DSC3: variants seen among roughly 807,000 people sequenced by gnomAD.
DSC3 encodes desmocollin-3.
A neutral mutation model predicts 89.5 loss-of-function variants in DSC3; 97 were observed. The observed-to-expected ratio is 1.08, with a 90% confidence interval of 0.92 to 1.28. DSC3 has a LOEUF of 1.28. DSC3 is among the 50% of genes most tolerant of loss of function. The probability of loss-of-function intolerance (pLI) is 0.00; values close to 1 mark genes in which losing one functional copy is unlikely to be tolerated. For synonymous variants in DSC3, 436 were observed against 384.1 expected (o/e 1.14, Z -1.58); for missense variants, 1,199 against 1,085.3 (o/e 1.10, Z -1.47).
chr18:31,018,591 TA>T (rs1449840255), intron 8 of DSC3, 74 bp downstream of exon 8: 2 of 1,456,356 alleles, frequency 1.4e-6, no homozygotes, highest in Admixed American at 3.4e-5. Flanking sequence ...CATGAAGTAT[TA>T]ATTTTATTAA....
intron 6 of DSC3, among the ~76,000 whole-genome samples, chr18:31,023,340 T>A (rs1478988845): frequency 6.6e-6 from 1 of 152,086 alleles, no homozygotes; most frequent in African/African-American, 2.4e-5. Flanking sequence ...CCACAGTGAG[T>A]TAGTAACACA....
At chr18:30,995,433 C>G (rs1344213756) in intron 15 of DSC3, among the ~76,000 whole-genome samples, 1 of 152,178 alleles carries the variant, frequency 6.6e-6, no homozygotes, top group East Asian at 1.9e-4. Flanking sequence ...CAGAGTATCA[C>G]CCATTTGCAT....
intron 9 of DSC3, 96 bp from the exon 10 acceptor site, chr18:31,008,621 T>C: frequency 6.8e-7 from 1 of 1,481,034 alleles, no homozygotes; most frequent in Non-Finnish European, 9.3e-7. Context: ...CAGTGCTGCA[T>C]AAATTCTATG....
intron 1 of DSC3, among the ~76,000 whole-genome samples, chr18:31,041,607 A>G (rs1205384349): frequency 6.6e-6 from 1 of 152,184 alleles, no homozygotes; most frequent in East Asian, 1.9e-4. Flanking sequence ...GATGCGGGTA[A>G]GTCGCGGGTC....
intron 4 of DSC3, 55 bp downstream of exon 4, chr18:31,029,454 A>G (rs1249016556): frequency 3.1e-6 from 5 of 1,605,200 alleles, no homozygotes; most frequent in East Asian, 4.5e-5. Context: ...TTAAATCTCA[A>G]TGAAACAGAC....
At chr18:31,036,071 A>G (rs1339747074) in intron 1 of DSC3, among the ~76,000 whole-genome samples, 1 of 152,174 alleles carries the variant, frequency 6.6e-6, no homozygotes, top group African/African-American at 2.4e-5. Context: ...TACAAATGAC[A>G]CTATATGAAC....
chr18:31,008,156 T>A lies in DSC3; in HGVS notation c.1523A>T (p.Tyr508Phe). The A allele has an allele frequency of 6.2e-7, 1 of 1,609,102 alleles. No individual in the cohort carries two copies. Among genetic ancestry groups the A allele is most frequent in the Non-Finnish European group, 8.5e-7 (1 of 1,177,076 alleles). ...PENRNGNGLR[Y>F]KKLHDPKGWI... ...ACCTTTAGGATCATGCAATTTTTTG[T>A]ACCTGTTAATAAAAAAAAAATAGTC... Residue 508 changes from tyrosine to phenylalanine, a missense_variant and splice_region_variant, in exon 11 of 16, where the codon TAC (tyrosine) becomes TTC (phenylalanine). Tyr to Phe is a conservative substitution (Grantham distance 22, BLOSUM62 3). Coordinates refer to ENST00000360428, the MANE Select transcript of DSC3 (RefSeq NM_001941.5).
intron 5 of DSC3, 110 bp downstream of exon 5, chr18:31,025,650 G>T: frequency 8.3e-7 from 1 of 1,200,076 alleles, no homozygotes; most frequent in Non-Finnish European, 1.2e-6. Flanking sequence ...TTGACTCTAA[G>T]ATACCCTCTA....
chr18:30,990,187 C>A lies in DSC3; in HGVS notation c.*3988G>T, dbSNP rs1984186576. The A allele has an allele frequency of 6.6e-6, 1 of 152,110 alleles. No individual in the cohort carries two copies. The highest frequency in any genetic ancestry group is 1.5e-5 in the Non-Finnish European group (1 of 68,016). 9.4% of individuals were successfully genotyped at this position (152,110 alleles called of 1,614,324 possible). A position where few individuals can be genotyped will look rare whatever the true frequency, so the allele number is the denominator to read the frequency against. ...AGTAACTCATTTAATCATTCAACAA[C>A]CCCATGAGGCTGGCATTGTTCATTG... On this transcript the variant is annotated 3_prime_UTR_variant, in exon 16 of 16. Transcript: ENST00000360428.
chr18:31,029,974 A>T (rs1425380071), intron 3 of DSC3, among the ~76,000 whole-genome samples: 1 of 152,164 alleles, frequency 6.6e-6, no homozygotes, highest in African/African-American at 2.4e-5. Flanking sequence ...TCCAGATAGC[A>T]CTTACTTGTT....
intron 1 of DSC3, among the ~76,000 whole-genome samples, chr18:31,033,579 C>T (rs1229779698): frequency 6.6e-6 from 1 of 151,962 alleles, no homozygotes; most frequent in Non-Finnish European, 1.5e-5. Flanking sequence ...TACCTCAAAC[C>T]ATACACAAAA....
At chr18:31,010,688 A>G (rs936461693) in intron 9 of DSC3, among the ~76,000 whole-genome samples, 5 of 152,134 alleles carry the variant, frequency 3.3e-5, no homozygotes, top group African/African-American at 7.2e-5. Context: ...CTCCCTAGAA[A>G]ATGTATAGTT....
intron 7 of DSC3, among the ~76,000 whole-genome samples, 171 bp from the exon 8 acceptor site, chr18:31,018,971 A>T (rs981099610): frequency 6.6e-6 from 1 of 152,258 alleles, no homozygotes; most frequent in Non-Finnish European, 1.5e-5. Flanking sequence ...ACAAGGATAA[A>T]GCTGAAGAGG....
intron 14 of DSC3, among the ~76,000 whole-genome samples, chr18:30,998,295 G>C (rs770544382): frequency 6.6e-6 from 1 of 152,070 alleles, no homozygotes; most frequent in Non-Finnish European, 1.5e-5. Context: ...AGATGGATGA[G>C]GCAATCAAGG....
chr18:30,999,106 A>T (rs1180301260), intron 14 of DSC3, among the ~76,000 whole-genome samples: 1 of 152,196 alleles, frequency 6.6e-6, no homozygotes, highest in Non-Finnish European at 1.5e-5. Context: ...ATAGGACAGA[A>T]GTTTAGTTAC....
chr18:30,995,996 A>AAAAAAAAAAGAAAG (rs1555631968), intron 15 of DSC3, among the ~76,000 whole-genome samples: 13 of 136,472 alleles, frequency 9.5e-5, no homozygotes, highest in African/African-American at 3.6e-4. Flanking sequence ...AAAAAAAAAA[A>AAAAAAAAAAGAAAG]AAAGAAAAGA....
At position 30,990,472 on chromosome 18, in the gene DSC3, T is replaced by A. The variant is rs1047298836; in HGVS notation, c.*3703A>T. ...TGGTTACAATAGAAGTTACTGGAAT[T>A]GAAATTTTGGTTCAACCTATATTAA... On this transcript the variant is annotated 3_prime_UTR_variant, in exon 16 of 16. Coordinates refer to ENST00000360428, the MANE Select transcript of DSC3 (RefSeq NM_001941.5). 2 of 152,236 alleles carry A rather than the reference T, an allele frequency of 1.3e-5. No homozygotes were observed. The highest frequency in any genetic ancestry group is 1.3e-4 in the Admixed American group (2 of 15,286). 9.4% of individuals were successfully genotyped at this position (152,236 alleles called of 1,614,324 possible). A position where few individuals can be genotyped will look rare whatever the true frequency, so the allele number is the denominator to read the frequency against.
At chr18:31,042,058 C>T (rs1986151040) in intron 1 of DSC3, among the ~76,000 whole-genome samples, 1 of 152,084 alleles carries the variant, frequency 6.6e-6, no homozygotes, top group Admixed American at 6.5e-5. Context: ...GGGGAGATAC[C>T]GAGAAACCCA....
At chr18:31,022,562 A>G in intron 6 of DSC3, 60 bp from the exon 7 acceptor site, 2 of 1,567,196 alleles carry the variant, frequency 1.3e-6, no homozygotes, top group Non-Finnish European at 8.8e-7. Context: ...TACTTTCAAA[A>G]GTATCTACAA....
Sources: gnomAD v4.1 joint callset for allele counts (sites outside exome capture counted in the v4.1 genomes callset) on GRCh38, gnomAD v4.1.1 for gene constraint, MANE v1.5 for transcripts, NCBI Gene and HGNC (gene_info 2026-07-23, HGNC 2026-07-21) for gene names.